The following CDC42BPA variants were observed in gnomAD, a reference collection of about 807,000 sequenced individuals.
CDC42BPA encodes serine/threonine-protein kinase MRCK alpha.
In CDC42BPA, 80 loss-of-function variants were observed where a neutral mutation model predicts 223.5. That is an observed-to-expected ratio of 0.36 (90% CI 0.30 to 0.43). The LOEUF is 0.43. CDC42BPA is among the 20% of genes least tolerant of loss of function. The pLI is 1.00. For missense variants in CDC42BPA, 1,743 were observed against 2,099.9 expected, an observed-to-expected ratio of 0.83 and a Z score of 3.32; for synonymous variants, 694 against 718.6, an observed-to-expected ratio of 0.97 and a Z score of 0.55.
chr1:227,170,002 A>G (rs1260285597), intron 5 of CDC42BPA, among the ~76,000 whole-genome samples: 1 of 152,176 alleles, frequency 6.6e-6, no homozygotes, highest in Non-Finnish European at 1.5e-5. Context: ...TTTTTCAAAC[A>G]TGGCCTCAAT....
At chr1:227,231,895 G>A (rs1256325961) in intron 2 of CDC42BPA, among the ~76,000 whole-genome samples, 1 of 152,200 alleles carries the variant, frequency 6.6e-6, no homozygotes, top group Non-Finnish European at 1.5e-5. Flanking sequence ...CCCTTTGTCA[G>A]ATGAGTAGAT....
intron 10 of CDC42BPA, among the ~76,000 whole-genome samples, chr1:227,133,801 T>C (rs1037599725): frequency 4.0e-5 from 6 of 151,880 alleles, no homozygotes; most frequent in South Asian, 2.1e-4. Context: ...TCCCTAATCT[T>C]AAGTACCCAG....
chr1:227,283,657 C>T (rs780212064), intron 1 of CDC42BPA, among the ~76,000 whole-genome samples: 21 of 152,230 alleles, frequency 1.4e-4, no homozygotes, highest in Non-Finnish European at 2.6e-4. Context: ...GGAAAAATTA[C>T]CAATGGATAC....
intron 10 of CDC42BPA, among the ~76,000 whole-genome samples, chr1:227,138,314 A>G (rs1659018893): frequency 6.6e-6 from 1 of 152,120 alleles, no homozygotes; most frequent in Admixed American, 6.5e-5. Flanking sequence ...AAAAGGAGAC[A>G]GTAGTACTGG....
chr1:227,170,558 G>A (rs1665928809), intron 5 of CDC42BPA, among the ~76,000 whole-genome samples: 1 of 152,094 alleles, frequency 6.6e-6, no homozygotes, highest in Admixed American at 6.5e-5. Context: ...CCTCAATGAT[G>A]AGCTTTGCCC....
Position 227,066,706 on chromosome 1 carries a change from GAGAAA to G in CDC42BPA, c.2904+3066_2904+3070del, listed in dbSNP as rs548814210. 5.9e-3 allele frequency among the ~76,000 whole-genome samples: 904 copies of G among 152,230 alleles called. 9 individuals carry two copies. The highest frequency in any genetic ancestry group is 0.02 in the African/African-American group (851 of 41,528). ...TTTAAGTGAAACTGAACTGATGGAT[GAGAAA>G]AGAAGCTAAAGAGAATACAGAAAGG... On this transcript the variant is annotated intron_variant, in intron 21 of 36. Transcript: ENST00000366766.
chr1:227,250,975 C>T (rs1249800032), intron 2 of CDC42BPA, among the ~76,000 whole-genome samples: 1 of 152,060 alleles, frequency 6.6e-6, no homozygotes, highest in African/African-American at 2.4e-5. Context: ...ATCACTTGGG[C>T]CCAGGAATTC....
chr1:227,270,902 C>T (rs1312327447), intron 1 of CDC42BPA, among the ~76,000 whole-genome samples: 2 of 152,134 alleles, frequency 1.3e-5, no homozygotes, highest in African/African-American at 2.4e-5. Flanking sequence ...CAGCATGTGT[C>T]AGAAATTCAC....
intron 6 of CDC42BPA, 91 bp downstream of exon 6, chr1:227,160,452 T>C: frequency 1.2e-6 from 1 of 858,586 alleles, no homozygotes; most frequent in Non-Finnish European, 2.0e-6. Context: ...GGGTAGATAG[T>C]ATAAATAGAT....
chr1:227,218,440 T>C (rs1190967571), intron 2 of CDC42BPA, among the ~76,000 whole-genome samples: 2 of 152,222 alleles, frequency 1.3e-5, no homozygotes, highest in Non-Finnish European at 2.9e-5. Context: ...ATAAAAAGCT[T>C]ATTCTGTGCC....
chr1:227,132,500 G>A (rs1430717207), intron 10 of CDC42BPA, among the ~76,000 whole-genome samples: 1 of 136,222 alleles, frequency 7.3e-6, no homozygotes, highest in Non-Finnish European at 1.6e-5. Flanking sequence ...CCTCCCAGCC[G>A]CCTGCCTTGG....
chr1:227,032,758 A>G (rs1669519027), intron 27 of CDC42BPA, among the ~76,000 whole-genome samples: 1 of 152,146 alleles, frequency 6.6e-6, no homozygotes, highest in Non-Finnish European at 1.5e-5. Flanking sequence ...GGAGTTCACA[A>G]AGAGGAGAAC....
intron 5 of CDC42BPA, among the ~76,000 whole-genome samples, chr1:227,163,013 C>CGT (rs1553371456): frequency 0.072 from 4,449 of 62,026 alleles, 270 homozygotes; most frequent in African/African-American, 0.19. Flanking sequence ...TGTTTCCAAA[C>CGT]GTGTATGTTT....
intron 1 of CDC42BPA, among the ~76,000 whole-genome samples, chr1:227,286,473 A>G (rs1178376247): frequency 6.6e-6 from 1 of 152,146 alleles, no homozygotes; most frequent in Non-Finnish European, 1.5e-5. Flanking sequence ...TTTGTTGTCC[A>G]TTCTTCTATC....
At chr1:227,287,135 C>T (rs1688940009) in intron 1 of CDC42BPA, among the ~76,000 whole-genome samples, 1 of 152,178 alleles carries the variant, frequency 6.6e-6, no homozygotes, top group Admixed American at 6.5e-5. Flanking sequence ...TGATAAAAGT[C>T]ATCATCACAC....
chr1:227,205,766 C>T (rs995734895), intron 3 of CDC42BPA, among the ~76,000 whole-genome samples: 1 of 152,062 alleles, frequency 6.6e-6, no homozygotes, highest in African/African-American at 2.4e-5. Flanking sequence ...GTTTAACTCT[C>T]AGCCCAGTGC....
rs140091366 is a variant in CDC42BPA, at chr1:227,129,714, T to TATATATATATATATATATATATAC, written c.1391-484_1391-483insGTATATATATATATATATATATAT. ...AAAAAATCCACTGCATATATATATA[T>TATATATATATATATATATATATAC]ACAAAAGAATCCACCTTCTAATAAT... On this transcript the variant is annotated intron_variant, in intron 10 of 36. Transcript: ENST00000366766. Among the ~76,000 whole-genome samples the TATATATATATATATATATATATAC allele has an allele frequency of 6.3e-3, 664 of 105,572 alleles. 12 individuals carry two copies. The highest frequency in any genetic ancestry group is 7.1e-3 in the Non-Finnish European group (371 of 52,134). The allele number at this position is 105,572 out of a possible 152,430, so 69.3% of individuals were successfully genotyped here. A position where few individuals can be genotyped will look rare whatever the true frequency, so the allele number is the denominator to read the frequency against.
In CDC42BPA at chr1:227,318,159, G is replaced by A. The variant is rs571947007; in HGVS notation, c.-977C>T. 1.8e-5 allele frequency: 3 copies of A among 165,244 alleles called. No individual in the cohort carries two copies. The highest frequency in any genetic ancestry group is 2.6e-5 in the Non-Finnish European group (2 of 77,022). 10.2% of individuals were successfully genotyped at this position (165,244 alleles called of 1,614,324 possible). A position where few individuals can be genotyped will look rare whatever the true frequency, so the allele number is the denominator to read the frequency against. The stretch of plus-strand genomic sequence containing the variant: ...AGGCTCCCGACGCCCCAGGCGGGGG[G>A]GTGCTTCTCTGAATTCAAAGGACAC... On this transcript the variant is annotated 5_prime_UTR_variant, in exon 1 of 37. Transcript: ENST00000366766.
At chr1:227,308,863 G>T (rs72632819) in intron 1 of CDC42BPA, among the ~76,000 whole-genome samples, 46,759 of 151,948 alleles carry the variant, frequency 0.31, 7,371 homozygotes, top group East Asian at 0.37. Context: ...AGGTGTTTTT[G>T]TCTTTGATTA....
Sources: allele counts gnomAD v4.1 joint callset (sites outside exome capture counted in the v4.1 genomes callset), GRCh38; gene constraint gnomAD v4.1.1; transcripts MANE v1.5; gene names NCBI Gene and HGNC (gene_info 2026-07-23, HGNC 2026-07-21).